EFNA5: variants seen among roughly 807,000 people sequenced by gnomAD.
EFNA5 encodes the protein ephrin A5, also known as ephrin-A5.
Under a neutral mutation model 22.9 loss-of-function variants are expected in EFNA5, and 5 were observed. The ratio of observed to expected loss-of-function variants is 0.22; its 90% CI spans 0.11 to 0.46. The LOEUF is 0.46. Among genes scored for constraint, EFNA5 ranks in the 20% least tolerant of loss-of-function variants. EFNA5 has a pLI of 0.99. For missense variants in EFNA5, 237 were observed against 293.3 expected (o/e 0.81, Z 1.40); for synonymous variants, 113 against 112.2 (o/e 1.01, Z -0.04).
chr5:107,664,271 T>C (rs1751025165), intron 1 of EFNA5, among the ~76,000 whole-genome samples: 8 of 152,182 alleles, frequency 5.3e-5, no homozygotes, highest in Admixed American at 5.2e-4. Context: ...AAAATAGTTG[T>C]AGTCAGAAAA....
intron 1 of EFNA5, among the ~76,000 whole-genome samples, chr5:107,433,129 A>G (rs1365359548): frequency 6.6e-6 from 1 of 152,152 alleles, no homozygotes; most frequent in Non-Finnish European, 1.5e-5. Flanking sequence ...TCAGGAGTCA[A>G]AAGTTATACC....
intron 1 of EFNA5, among the ~76,000 whole-genome samples, chr5:107,571,054 G>A (rs1748793057): frequency 6.6e-6 from 1 of 152,172 alleles, no homozygotes; most frequent in Non-Finnish European, 1.5e-5. Context: ...CTCTCAACAG[G>A]AAGTAGCACA....
rs188904644 is a variant in EFNA5, at chr5:107,529,873, C to T, written c.126-102364G>A. ...TAAGACAGCATCCTACATACAAATGCAAATTCCACTGTGTATTAACAACTT... is the reference window on the plus strand; with the variant it reads ...TAAGACAGCATCCTACATACAAATGTAAATTCCACTGTGTATTAACAACTT... On this transcript the variant is annotated intron_variant, in intron 1 of 4. Transcript: ENST00000333274. Among the ~76,000 whole-genome samples the T allele has an allele frequency of 1.2e-4, 18 of 152,312 alleles. No individual in the cohort carries two copies. The East Asian group carries it at 2.9e-3, about 24-fold the overall frequency.
At chr5:107,492,483 T>C (rs1746836087) in intron 1 of EFNA5, among the ~76,000 whole-genome samples, 1 of 152,210 alleles carries the variant, frequency 6.6e-6, no homozygotes, top group African/African-American at 2.4e-5. Context: ...TAAGGTATGC[T>C]TGACAAAAGT....
chr5:107,600,119 T>C (rs1749562079), intron 1 of EFNA5, among the ~76,000 whole-genome samples: 1 of 152,310 alleles, frequency 6.6e-6, no homozygotes. Flanking sequence ...CAGTGCCATT[T>C]TGGGTTAATC....
chr5:107,621,326 T>C (rs154191), intron 1 of EFNA5, among the ~76,000 whole-genome samples: 26,643 of 152,092 alleles, frequency 0.18, 2,468 homozygotes, highest in Admixed American at 0.23. Flanking sequence ...CAAGAATCCT[T>C]GCAACAGAAA....
intron 1 of EFNA5, among the ~76,000 whole-genome samples, chr5:107,515,775 T>A (rs1747461564): frequency 6.6e-6 from 1 of 152,182 alleles, no homozygotes; most frequent in Non-Finnish European, 1.5e-5. Context: ...TACTTCCTAA[T>A]CTTATAACCT....
intron 1 of EFNA5, among the ~76,000 whole-genome samples, chr5:107,579,562 T>C (rs1405655783): frequency 2.0e-5 from 3 of 152,006 alleles, no homozygotes; most frequent in African/African-American, 7.2e-5. Context: ...AAGACCACCC[T>C]TGAATAAAAT....
intron 1 of EFNA5, among the ~76,000 whole-genome samples, chr5:107,455,846 T>C (rs1053417279): frequency 5.3e-5 from 8 of 152,160 alleles, no homozygotes; most frequent in Non-Finnish European, 1.2e-4. Context: ...TAATGAACTA[T>C]AAAACTAACA....
At chr5:107,618,148 T>C (rs1749962214) in intron 1 of EFNA5, among the ~76,000 whole-genome samples, 1 of 152,204 alleles carries the variant, frequency 6.6e-6, no homozygotes, top group South Asian at 2.1e-4. Flanking sequence ...GTGCATAGTA[T>C]ATATGCAATC....
intron 1 of EFNA5, among the ~76,000 whole-genome samples, chr5:107,493,890 C>A (rs1746886652): frequency 2.0e-5 from 3 of 152,184 alleles, no homozygotes; most frequent in Non-Finnish European, 4.4e-5. Flanking sequence ...AGGAAACAGG[C>A]ACAGGCACTT....
At chr5:107,510,167 ATGAATG>A (rs1747339904) in intron 1 of EFNA5, among the ~76,000 whole-genome samples, 1 of 152,258 alleles carries the variant, frequency 6.6e-6, no homozygotes, top group South Asian at 2.1e-4. Flanking sequence ...CAAGATGGCC[ATGAATG>A]TAACCTCTGG....
intron 1 of EFNA5, among the ~76,000 whole-genome samples, chr5:107,659,683 A>C (rs552867509): frequency 1.8e-4 from 28 of 152,062 alleles, no homozygotes; most frequent in African/African-American, 5.3e-4. Flanking sequence ...GCTAAGTAAA[A>C]AAAAAATAAT....
At chr5:107,476,020 AC>A (rs1262974679) in intron 1 of EFNA5, among the ~76,000 whole-genome samples, 20 of 143,776 alleles carry the variant, frequency 1.4e-4, no homozygotes, top group Non-Finnish European at 1.9e-4. Flanking sequence ...GATGGAAGAT[AC>A]CAAGGTGGCT....
At chr5:107,525,240 G>C (rs1003138690) in intron 1 of EFNA5, among the ~76,000 whole-genome samples, 3 of 151,870 alleles carry the variant, frequency 2.0e-5, no homozygotes, top group Non-Finnish European at 2.9e-5. Flanking sequence ...AGAAATTACA[G>C]TTCTTGGCAC....
chr5:107,399,716 C>T (rs971868884), intron 2 of EFNA5, among the ~76,000 whole-genome samples: 6 of 152,252 alleles, frequency 3.9e-5, no homozygotes, highest in Middle Eastern at 6.8e-3. Flanking sequence ...GAGAACATAA[C>T]CCCCCAAACT....
At position 107,640,020 on chromosome 5, in the gene EFNA5, G is replaced by A. The variant is rs540135636; in HGVS notation, c.125+30469C>T. Among the ~76,000 whole-genome samples the A allele has an allele frequency of 7.9e-5, 12 of 152,262 alleles. No homozygotes were observed. In the South Asian group the frequency reaches 1.7e-3, roughly 21 times the overall value. ...AGGTGTCTAACAATAAGGAACAGTAGGTCAGTATTTGAAAATAGGAGGTTT... is the reference window on the plus strand; with the variant it reads ...AGGTGTCTAACAATAAGGAACAGTAAGTCAGTATTTGAAAATAGGAGGTTT... On this transcript the variant is annotated intron_variant, in intron 1 of 4. Coordinates refer to ENST00000333274, the MANE Select transcript of EFNA5 (RefSeq NM_001962.3).
intron 1 of EFNA5, among the ~76,000 whole-genome samples, chr5:107,483,786 T>C (rs1750547031): frequency 6.6e-6 from 1 of 152,204 alleles, no homozygotes; most frequent in Admixed American, 6.5e-5. Context: ...ATGAGATACA[T>C]TTTGGGTAGA....
intron 1 of EFNA5, among the ~76,000 whole-genome samples, chr5:107,539,784 C>A (rs1748007878): frequency 6.6e-6 from 1 of 152,140 alleles, no homozygotes; most frequent in African/African-American, 2.4e-5. Flanking sequence ...TAAATGGATA[C>A]AAACCAGTCA....
Sources: gnomAD v4.1 joint callset for allele counts (sites outside exome capture counted in the v4.1 genomes callset) on GRCh38, gnomAD v4.1.1 for gene constraint, MANE v1.5 for transcripts, NCBI Gene and HGNC (gene_info 2026-07-23, HGNC 2026-07-21) for gene names.